Variants in EYS observed in about 807,000 individuals in gnomAD.
EYS encodes the protein protein eyes shut homolog.
A neutral mutation model predicts 282.1 loss-of-function variants in EYS; 250 were observed. The ratio of observed to expected loss-of-function variants is 0.89; its 90% CI spans 0.80 to 0.98. EYS has a LOEUF of 0.98. Ranked by LOEUF, EYS falls within the 50% of genes least tolerant of loss-of-function variation. The pLI is 0.00. For synonymous variants in EYS, 1,355 were observed against 1,282.9 expected (o/e 1.06, Z -1.20); for missense variants, 4,016 against 3,709.0 (o/e 1.08, Z -2.15).
chr6:64,353,058 T>A (rs984086386), intron 29 of EYS, among the ~76,000 whole-genome samples: 1 of 151,508 alleles, frequency 6.6e-6, no homozygotes, highest in Admixed American at 6.6e-5. Flanking sequence ...GTTACCAGTA[T>A]AGGGAAGAGA....
chr6:64,434,814 T>C (rs967212878), intron 28 of EYS, among the ~76,000 whole-genome samples: 2 of 152,074 alleles, frequency 1.3e-5, no homozygotes, highest in African/African-American at 4.8e-5. Flanking sequence ...AAACTATAAT[T>C]ATGATTTTTT....
chr6:65,263,093 C>T (rs1161070327), intron 12 of EYS, among the ~76,000 whole-genome samples: 2 of 152,096 alleles, frequency 1.3e-5, no homozygotes, highest in Non-Finnish European at 2.9e-5. Context: ...ATAATCCCAG[C>T]CCTTTGGGAG....
chr6:64,989,289 AT>A (rs1398421506), intron 14 of EYS, among the ~76,000 whole-genome samples: 1 of 149,234 alleles, frequency 6.7e-6, no homozygotes, highest in Non-Finnish European at 1.5e-5. Flanking sequence ...ACACTACAAA[AT>A]TTAACCCTAC....
intron 36 of EYS, among the ~76,000 whole-genome samples, chr6:63,835,888 C>A (rs991343758): frequency 5.9e-5 from 9 of 151,748 alleles, no homozygotes; most frequent in Non-Finnish European, 1.2e-4. Context: ...TACTGAAAGC[C>A]AAAAATGTGG....
At chr6:64,094,906 C>T (rs10080317) in intron 31 of EYS, among the ~76,000 whole-genome samples, 10,488 of 151,936 alleles carry the variant, frequency 0.069, 957 homozygotes, top group African/African-American at 0.21. Context: ...TATAAATTTC[C>T]CTCTACACAC....
intron 30 of EYS, 89 bp downstream of exon 30, chr6:64,306,881 G>A: frequency 2.8e-6 from 2 of 707,268 alleles, no homozygotes; most frequent in South Asian, 1.7e-5. Context: ...ATATAGTGCA[G>A]CCTTCATTAG....
chr6:64,728,428 G>A (rs989933834), intron 22 of EYS, among the ~76,000 whole-genome samples: 6 of 151,960 alleles, frequency 3.9e-5, no homozygotes, highest in African/African-American at 9.7e-5. Context: ...TCTGCCTCCC[G>A]GGTTCACCCC....
At chr6:64,744,565 T>C (rs982653991) in intron 22 of EYS, among the ~76,000 whole-genome samples, 3 of 152,148 alleles carry the variant, frequency 2.0e-5, no homozygotes, top group Non-Finnish European at 2.9e-5. Flanking sequence ...AGTTAAACAA[T>C]CTGGCATTTA....
chr6:64,821,575 A>C (rs981626189), intron 21 of EYS, 70 bp downstream of exon 21: 2 of 779,284 alleles, frequency 2.6e-6, no homozygotes, highest in African/African-American at 3.6e-5. Flanking sequence ...TGAAACCTAC[A>C]GCAAGCAATT....
chr6:63,817,330 C>T (rs1418417377), intron 36 of EYS, among the ~76,000 whole-genome samples: 2 of 152,186 alleles, frequency 1.3e-5, no homozygotes, highest in African/African-American at 2.4e-5. Context: ...CAGCTGCTAC[C>T]TCTATGGCTG....
At chr6:64,983,388 G>A (rs915017763) in intron 14 of EYS, among the ~76,000 whole-genome samples, 6 of 151,098 alleles carry the variant, frequency 4.0e-5, no homozygotes, top group African/African-American at 9.7e-5. Flanking sequence ...TAAGAAATGC[G>A]GGAGCATATG....
chr6:65,246,956 T>C (rs1350927130), intron 12 of EYS, among the ~76,000 whole-genome samples: 2 of 152,044 alleles, frequency 1.3e-5, no homozygotes, highest in African/African-American at 4.8e-5. Context: ...ATGAAGAGAA[T>C]AAAAAAGATC....
At chr6:64,593,473 T>C (rs1766475133) in intron 24 of EYS, among the ~76,000 whole-genome samples, 164 bp from the exon 25 acceptor site, 1 of 152,186 alleles carries the variant, frequency 6.6e-6, no homozygotes, top group Admixed American at 6.6e-5. Flanking sequence ...ATTTTACCCA[T>C]ATTTCAAAAT....
At chr6:65,660,738 C>T (rs565965000) in intron 1 of EYS, among the ~76,000 whole-genome samples, 10 of 151,764 alleles carry the variant, frequency 6.6e-5, no homozygotes, top group Non-Finnish European at 1.5e-4. Flanking sequence ...TATTAACTTT[C>T]TGATACTGTG....
intron 12 of EYS, among the ~76,000 whole-genome samples, chr6:65,139,564 C>G (rs1295955541): frequency 6.6e-6 from 1 of 151,988 alleles, no homozygotes; most frequent in Non-Finnish European, 1.5e-5. Context: ...ACAGACCTGC[C>G]CACGTAGCCC....
At chr6:65,671,848 T>C (rs1349351986) in intron 1 of EYS, among the ~76,000 whole-genome samples, 1 of 152,122 alleles carries the variant, frequency 6.6e-6, no homozygotes, top group Admixed American at 6.6e-5. Context: ...GGAACATATG[T>C]CTAATGTTCA....
At chr6:65,292,771 C>CAAGGA (rs1275745085) in intron 12 of EYS, among the ~76,000 whole-genome samples, 1 of 151,386 alleles carries the variant, frequency 6.6e-6, no homozygotes, top group Non-Finnish European at 1.5e-5. Flanking sequence ...AATTAGCAGA[C>CAAGGA]AAGGAAAGGA....
At chr6:64,921,845 A>G (rs532627571) in intron 15 of EYS, among the ~76,000 whole-genome samples, 2 of 152,352 alleles carry the variant, frequency 1.3e-5, no homozygotes, top group South Asian at 2.1e-4. Context: ...TTGTGAAAGG[A>G]CCAAGATAAG....
At position 64,602,189 on chromosome 6, in the gene EYS, C is replaced by T. The variant is rs572214708; in HGVS notation, c.3685-8880G>A. Reference sequence around the variant, plus strand: ...CACTAGGTAGAAGCCTATCTCCATTCCATCCTGCATTGTATTCAGCACACT... The same window carrying T: ...CACTAGGTAGAAGCCTATCTCCATTTCATCCTGCATTGTATTCAGCACACT... On this transcript the variant is annotated intron_variant, in intron 24 of 42. Coordinates refer to ENST00000503581, the MANE Select transcript of EYS (RefSeq NM_001142800.2). 2.7e-3 allele frequency among the ~76,000 whole-genome samples: 407 copies of T among 152,128 alleles called. 1 individual carries two copies. Among genetic ancestry groups the T allele is most frequent in the Non-Finnish European group, 4.5e-3 (309 of 67,952 alleles).
Sources: allele counts gnomAD v4.1 joint callset (sites outside exome capture counted in the v4.1 genomes callset), GRCh38; gene constraint gnomAD v4.1.1; transcripts MANE v1.5; gene names NCBI Gene and HGNC (gene_info 2026-07-23, HGNC 2026-07-21).